The following CDKL2 variants were observed in gnomAD, a reference collection of about 807,000 sequenced individuals.
CDKL2 encodes cyclin-dependent kinase-like 2.
In CDKL2, 64 loss-of-function variants were observed where a neutral mutation model predicts 63.9. The observed-to-expected ratio is 1.00, with a 90% CI of 0.82 to 1.23. The LOEUF (loss-of-function observed/expected upper bound fraction) is 1.23, where lower values mean the gene tolerates loss of function less well. Among genes scored for constraint, CDKL2 ranks in the 50% most tolerant of loss-of-function variants. The pLI is 0.00. For missense variants in CDKL2, 656 were observed against 668.0 expected (o/e 0.98, Z 0.20); for synonymous variants, 211 against 229.2 (o/e 0.92, Z 0.72).
chr4:75,621,905 C>G (rs1231562820), intron 2 of CDKL2, among the ~76,000 whole-genome samples: 1 of 152,114 alleles, frequency 6.6e-6, no homozygotes, highest in Non-Finnish European at 1.5e-5. Flanking sequence ...ATCCTAATAA[C>G]TGCTGACTGT....
chr4:75,629,705 C>T (rs1023264218), intron 1 of CDKL2, among the ~76,000 whole-genome samples: 5 of 152,024 alleles, frequency 3.3e-5, no homozygotes, highest in Admixed American at 6.5e-5. Flanking sequence ...TTTGGGAGGC[C>T]GAGGCGGGCG....
rs570694172 is a variant in CDKL2, at chr4:75,578,035, C to T, written c.*1167G>A. On this transcript the variant is annotated 3_prime_UTR_variant, in exon 14 of 14. Coordinates refer to ENST00000307465, the MANE Select transcript of CDKL2 (RefSeq NM_001330724.2). The stretch of plus-strand genomic sequence containing the variant: ...AACTCACAAATTCTGGTTCCCTAAA[C>T]AACCATTCTCTAAAATGATAAATGC... The T allele has an allele frequency of 7.1e-6, 1 of 140,544 alleles. No homozygotes were observed. Among genetic ancestry groups the T allele is most frequent in the African/African-American group, 2.6e-5 (1 of 38,866 alleles). The allele number at this position is 140,544 out of a possible 1,614,324, so 8.7% of individuals were successfully genotyped here. A position where few individuals can be genotyped will look rare whatever the true frequency, so the allele number is the denominator to read the frequency against.
At chr4:75,618,932 T>G (rs908999691) in intron 2 of CDKL2, among the ~76,000 whole-genome samples, 5 of 152,188 alleles carry the variant, frequency 3.3e-5, no homozygotes, top group Non-Finnish European at 7.3e-5. Flanking sequence ...TGAACATGGA[T>G]TCACATACTG....
intron 12 of CDKL2, among the ~76,000 whole-genome samples, chr4:75,588,390 T>G (rs1728568478): frequency 6.6e-6 from 1 of 152,092 alleles, no homozygotes; most frequent in Non-Finnish European, 1.5e-5. Flanking sequence ...TAACAAAACC[T>G]TAATGTTAAA....
rs556033714 is a variant in CDKL2, at chr4:75,611,090, G to A, written c.363+3165C>T. Among the ~76,000 whole-genome samples, 10 of 152,260 alleles carry A rather than the reference G, an allele frequency of 6.6e-5. No homozygotes were observed. In the East Asian group the frequency reaches 1.2e-3, roughly 18 times the overall value. ...TATTATCTCCATTTAACTAGGGGCTGGGAGTAAGGATTGGAGAAAAGGTAC... is the reference window on the plus strand; with the variant it reads ...TATTATCTCCATTTAACTAGGGGCTAGGAGTAAGGATTGGAGAAAAGGTAC... On this transcript the variant is annotated intron_variant, in intron 3 of 13. Transcript: ENST00000307465.
At chr4:75,585,309 G>A (rs1728427283) in intron 12 of CDKL2, among the ~76,000 whole-genome samples, 1 of 152,144 alleles carries the variant, frequency 6.6e-6, no homozygotes, top group African/African-American at 2.4e-5. Flanking sequence ...AGGCATGGTG[G>A]CTCACTCCTG....
chr4:75,618,538 G>T (rs533420311), intron 2 of CDKL2, among the ~76,000 whole-genome samples: 146 of 152,122 alleles, frequency 9.6e-4, no homozygotes, highest in Non-Finnish European at 1.7e-3. Flanking sequence ...ACAAGCGTGA[G>T]TTGCCGCGCC....
intron 12 of CDKL2, among the ~76,000 whole-genome samples, chr4:75,588,689 T>C (rs1578317519): frequency 6.6e-6 from 1 of 152,182 alleles, no homozygotes; most frequent in East Asian, 1.9e-4. Flanking sequence ...CCTAGCTCTG[T>C]CCACTAAGAG....
chr4:75,612,230 C>T (rs1560588774), intron 3 of CDKL2, among the ~76,000 whole-genome samples: 1 of 152,182 alleles, frequency 6.6e-6, no homozygotes, highest in Non-Finnish European at 1.5e-5. Context: ...ACGTCGGCCC[C>T]ACAAAGTGCT....
chr4:75,582,088 T>C (rs1241727683), intron 12 of CDKL2, among the ~76,000 whole-genome samples, 190 bp from the exon 13 acceptor site: 3 of 152,246 alleles, frequency 2.0e-5, no homozygotes, highest in South Asian at 4.1e-4. Flanking sequence ...CAAACATGAC[T>C]GCTGAGTGGA....
At chr4:75,608,433 G>T (rs66601920) in intron 3 of CDKL2, among the ~76,000 whole-genome samples, 60,903 of 151,762 alleles carry the variant, frequency 0.4, 12,981 homozygotes, top group African/African-American at 0.51. Flanking sequence ...CCAGAAAACT[G>T]TTTTTTCTAG....
chr4:75,625,378 G>T (rs1193428148), intron 2 of CDKL2, among the ~76,000 whole-genome samples: 1 of 151,978 alleles, frequency 6.6e-6, no homozygotes, highest in Non-Finnish European at 1.5e-5. Flanking sequence ...TAAGAGAAAT[G>T]AGAAAATATT....
At chr4:75,592,407 TA>T in intron 10 of CDKL2, 138 bp from the exon 11 acceptor site, 1 of 599,388 alleles carries the variant, frequency 1.7e-6, no homozygotes, top group East Asian at 3.1e-5. Context: ...AGGACATTAA[TA>T]ATACAAAAAA....
intron 12 of CDKL2, among the ~76,000 whole-genome samples, chr4:75,585,233 A>G (rs1050638176): frequency 6.6e-6 from 1 of 152,206 alleles, no homozygotes; most frequent in Non-Finnish European, 1.5e-5. Flanking sequence ...GGTACAATGT[A>G]TCAGAAAGAC....
At chr4:75,616,223 G>T (rs1729919313) in intron 2 of CDKL2, among the ~76,000 whole-genome samples, 1 of 151,944 alleles carries the variant, frequency 6.6e-6, no homozygotes, top group South Asian at 2.1e-4. Context: ...GGGATAGCTT[G>T]AGGCCAGGAA....
At chr4:75,600,148 G>A in intron 7 of CDKL2, 133 bp downstream of exon 7, 1 of 599,144 alleles carries the variant, frequency 1.7e-6, no homozygotes, top group East Asian at 2.9e-5. Flanking sequence ...GGGAATATGG[G>A]GGTAGAGTGG....
At chr4:75,616,278 T>G (rs529293842) in intron 2 of CDKL2, among the ~76,000 whole-genome samples, 1 of 151,942 alleles carries the variant, frequency 6.6e-6, no homozygotes, top group African/African-American at 2.4e-5. Context: ...CATTCCAGCC[T>G]GGGTGGGGCA....
At position 75,577,363 on chromosome 4, in the gene CDKL2, T is replaced by C. The variant is rs896190273; in HGVS notation, c.*1839A>G. Among the ~76,000 whole-genome samples the C allele has an allele frequency of 6.6e-6, 1 of 152,212 alleles. No individual in the cohort carries two copies. Among genetic ancestry groups the C allele is most frequent in the African/African-American group, 2.4e-5 (1 of 41,472 alleles). The stretch of plus-strand genomic sequence containing the variant: ...TTGCAGAATCTTTTTCTAGTAGTTC[T>C]GCCACAGTTCTAATCAGATATGATC... On this transcript the variant is annotated 3_prime_UTR_variant, in exon 14 of 14. Transcript: ENST00000307465.
chr4:75,602,283 C>T (rs1729229163), intron 6 of CDKL2, among the ~76,000 whole-genome samples: 1 of 152,010 alleles, frequency 6.6e-6, no homozygotes, highest in African/African-American at 2.4e-5. Context: ...CAGGTTCAAG[C>T]AATTCTCTGC....
Sources: allele counts gnomAD v4.1 joint callset (sites outside exome capture counted in the v4.1 genomes callset), GRCh38; gene constraint gnomAD v4.1.1; transcripts MANE v1.5; gene names NCBI Gene and HGNC (gene_info 2026-07-23, HGNC 2026-07-21).